The following CSMD1 variants were observed in gnomAD, a reference collection of about 807,000 sequenced individuals.
CSMD1 encodes CUB and sushi domain-containing protein 1.
In CSMD1, 213 loss-of-function variants were observed where a neutral mutation model predicts 417.5. That is an observed-to-expected ratio of 0.51 (90% CI 0.46 to 0.57). CSMD1 has a LOEUF of 0.57. Among genes scored for constraint, CSMD1 ranks in the 20% least tolerant of loss-of-function variants. The pLI, the probability that CSMD1 is intolerant of heterozygous loss-of-function variation, is 0.00. For missense variants in CSMD1, 6,923 were observed against 4,529.7 expected (o/e 1.53, Z -15.17); for synonymous variants, 2,862 against 1,736.8 (o/e 1.65, Z -16.11).
chr8:3,409,696 T>G, intron 12 of CSMD1, 91 bp from the exon 13 acceptor site: 1 of 1,031,778 alleles, frequency 9.7e-7, no homozygotes, highest in Non-Finnish European at 1.4e-6. Context: ...CGTGGCTTCT[T>G]TTTGCTGAAC....
rs917162693 is a variant in CSMD1 at position 3,766,298 on chromosome 8, G to A, written c.819-12256C>T. ...CTTTCAATGTGGGAGGACCCTCCAC[G>A]GGTGACGCAGATCACACTGGTATTA... On this transcript the variant is annotated intron_variant, in intron 5 of 69. Coordinates refer to ENST00000635120, the MANE Select transcript of CSMD1 (RefSeq NM_033225.6). Among the ~76,000 whole-genome samples, 6 of 152,148 alleles carry A rather than the reference G, an allele frequency of 3.9e-5. No individual in the cohort carries two copies. In the South Asian group the frequency reaches 1.2e-3, roughly 31 times the overall value.
chr8:3,867,048 CTATT>C (rs1323491865), intron 5 of CSMD1, among the ~76,000 whole-genome samples: 1 of 152,074 alleles, frequency 6.6e-6, no homozygotes, highest in Non-Finnish European at 1.5e-5. Flanking sequence ...TGTAGAATTG[CTATT>C]TAGTTTTTAC....
chr8:3,654,536 G>C (rs907555042), intron 7 of CSMD1, among the ~76,000 whole-genome samples: 1 of 152,112 alleles, frequency 6.6e-6, no homozygotes, highest in Non-Finnish European at 1.5e-5. Flanking sequence ...TTACAAATAA[G>C]AAATTGTCAT....
chr8:3,004,333 C>T (rs1036062098), intron 52 of CSMD1, among the ~76,000 whole-genome samples: 4 of 152,166 alleles, frequency 2.6e-5, no homozygotes, highest in Non-Finnish European at 4.4e-5. Flanking sequence ...ACAACAGTCA[C>T]AGCTCGGACA....
At chr8:3,914,661 A>G (rs1808692205) in intron 5 of CSMD1, among the ~76,000 whole-genome samples, 1 of 152,156 alleles carries the variant, frequency 6.6e-6, no homozygotes, top group African/African-American at 2.4e-5. Flanking sequence ...AGTCCACGTT[A>G]GTATGCATTA....
chr8:4,262,493 T>C (rs537911886), intron 3 of CSMD1, among the ~76,000 whole-genome samples: 1 of 152,160 alleles, frequency 6.6e-6, no homozygotes, highest in Non-Finnish European at 1.5e-5. Context: ...GCTATTTCCT[T>C]TTGCTGGTGG....
chr8:3,998,394 T>A (rs1241680603), intron 4 of CSMD1, among the ~76,000 whole-genome samples: 1 of 152,218 alleles, frequency 6.6e-6, no homozygotes, highest in African/African-American at 2.4e-5. Context: ...TACCTGACAT[T>A]GATAGGCAGC....
intron 3 of CSMD1, among the ~76,000 whole-genome samples, chr8:4,196,531 C>T (rs143522095): frequency 9.2e-5 from 14 of 152,174 alleles, no homozygotes; most frequent in African/African-American, 1.7e-4. Flanking sequence ...CATTTCCTTG[C>T]TGGCTGTAAA....
intron 1 of CSMD1, among the ~76,000 whole-genome samples, chr8:4,780,813 T>C (rs986757237): frequency 3.3e-5 from 5 of 152,312 alleles, no homozygotes; most frequent in Non-Finnish European, 7.3e-5. Context: ...AGTGAGAACA[T>C]ACAATGTTTG....
intron 3 of CSMD1, among the ~76,000 whole-genome samples, chr8:4,213,366 G>A (rs995063161): frequency 6.6e-6 from 1 of 152,134 alleles, no homozygotes; most frequent in African/African-American, 2.4e-5. Context: ...ACAAAAAAAG[G>A]CTATTCTTTG....
At position 3,933,074 on chromosome 8, in the gene CSMD1, A is replaced by G. The variant is rs1459462530; in HGVS notation, c.818+64829T>C. Among the ~76,000 whole-genome samples, 2 of 150,050 alleles carry G rather than the reference A, an allele frequency of 1.3e-5. 1 individual carries two copies. Among genetic ancestry groups the G allele is most frequent in the African/African-American group, 4.9e-5 (2 of 40,668 alleles). On this transcript the variant is annotated intron_variant, in intron 5 of 69. Coordinates refer to ENST00000635120, the MANE Select transcript of CSMD1 (RefSeq NM_033225.6). ...TGTGGCAAATTATCTCATTAAAAAAAAACAAAAGAAACAACATTATTTTCC... is the reference window on the plus strand; with the variant it reads ...TGTGGCAAATTATCTCATTAAAAAAGAACAAAAGAAACAACATTATTTTCC...
chr8:3,873,628 AAT>A (rs1805628100), intron 5 of CSMD1, among the ~76,000 whole-genome samples: 1 of 152,166 alleles, frequency 6.6e-6, no homozygotes, highest in African/African-American at 2.4e-5. Context: ...TGAGTGGTGA[AAT>A]AATTTGCATA....
At chr8:4,175,238 A>G (rs900142803) in intron 3 of CSMD1, among the ~76,000 whole-genome samples, 1 of 152,158 alleles carries the variant, frequency 6.6e-6, no homozygotes. Flanking sequence ...CACAATGTCA[A>G]CCAATTAAAT....
At chr8:3,934,860 A>G (rs1235592774) in intron 5 of CSMD1, among the ~76,000 whole-genome samples, 1 of 152,200 alleles carries the variant, frequency 6.6e-6, no homozygotes, top group Non-Finnish European at 1.5e-5. Context: ...AAATAAATTA[A>G]TTAAATAAAA....
At chr8:2,981,419 C>T (rs889090861) in intron 54 of CSMD1, among the ~76,000 whole-genome samples, 1 of 150,946 alleles carries the variant, frequency 6.6e-6, no homozygotes, top group African/African-American at 2.5e-5. Context: ...GGCCCACCTG[C>T]AGCGACTCCA....
chr8:4,122,225 T>C (rs906241828), intron 3 of CSMD1, among the ~76,000 whole-genome samples: 1 of 152,198 alleles, frequency 6.6e-6, no homozygotes, highest in African/African-American at 2.4e-5. Context: ...TGCTGACTTT[T>C]GTGAGGGAAG....
At chr8:3,445,001 C>A (rs1166859345) in intron 12 of CSMD1, among the ~76,000 whole-genome samples, 2 of 152,158 alleles carry the variant, frequency 1.3e-5, no homozygotes, top group Admixed American at 6.5e-5. Flanking sequence ...CCTGTCCAAG[C>A]CTCTTTATCC....
intron 3 of CSMD1, among the ~76,000 whole-genome samples, chr8:4,136,609 G>A (rs901127595): frequency 1.3e-5 from 2 of 152,152 alleles, no homozygotes; most frequent in Non-Finnish European, 1.5e-5. Flanking sequence ...CAGCAAGAGA[G>A]GTTGAATATA....
At chr8:3,252,568 T>G (rs898000607) in intron 26 of CSMD1, among the ~76,000 whole-genome samples, 29 of 152,226 alleles carry the variant, frequency 1.9e-4, no homozygotes, top group African/African-American at 6.8e-4. Context: ...AGGATGATGC[T>G]GGCCTCATAA....
Sources: allele counts gnomAD v4.1 joint callset (sites outside exome capture counted in the v4.1 genomes callset), GRCh38; gene constraint gnomAD v4.1.1; transcripts MANE v1.5; gene names NCBI Gene and HGNC (gene_info 2026-07-23, HGNC 2026-07-21).